The following BRWD1 variants were observed in gnomAD, a reference collection of about 807,000 sequenced individuals.
BRWD1 encodes the protein bromodomain and WD repeat-containing protein 1.
In BRWD1, 82 loss-of-function variants were observed where a neutral mutation model predicts 251.2. That is an observed-to-expected ratio of 0.33 (90% CI 0.27 to 0.39). The LOEUF (loss-of-function observed/expected upper bound fraction) is 0.39. Ranked by LOEUF, BRWD1 falls within the 10% of genes least tolerant of loss-of-function variation. The probability of loss-of-function intolerance (pLI) is 1.00; values close to 1 mark genes in which losing one functional copy is unlikely to be tolerated. For missense variants in BRWD1, 2,233 were observed against 2,711.6 expected, an observed-to-expected ratio of 0.82 and a Z score of 3.92; for synonymous variants, 918 against 902.8, an observed-to-expected ratio of 1.02 and a Z score of -0.30.
intron 29 of BRWD1, among the ~76,000 whole-genome samples, chr21:39,223,982 G>C (rs1238649609): frequency 6.6e-6 from 1 of 152,168 alleles, no homozygotes; most frequent in East Asian, 1.9e-4. Flanking sequence ...CCAAGTAGCT[G>C]GGATTACAGG....
At chr21:39,296,780 T>C (rs1392854472) in intron 5 of BRWD1, 3 of 953,376 alleles carry the variant, frequency 3.1e-6, no homozygotes, top group African/African-American at 1.8e-5. Flanking sequence ...CCAAGTCCCA[T>C]TTAATGCCAA....
At position 39,192,808 on chromosome 21, in the gene BRWD1, A is replaced by G; in HGVS notation, c.*3451T>C. 2 of 985,222 alleles carry G rather than the reference A, an allele frequency of 2.0e-6. No homozygotes were observed. The highest frequency in any genetic ancestry group is 2.4e-6 in the Non-Finnish European group (2 of 829,782). 61.0% of individuals were successfully genotyped at this position (985,222 alleles called of 1,614,324 possible). On this transcript the variant is annotated 3_prime_UTR_variant, in exon 41 of 41. Transcript: ENST00000342449. ...CAATGTTCTTGCATTCTACTGATAT[A>G]CAAACCTCTGGGGTTTCAGTTGGCA...
In BRWD1 at chr21:39,258,742, A is replaced by G. The variant is rs547598239; in HGVS notation, c.1886-70T>C. 7.5e-6 allele frequency: 8 copies of G among 1,069,732 alleles called. No individual in the cohort carries two copies. In the East Asian group the frequency reaches 2.2e-4, roughly 30 times the overall value. 66.3% of individuals were successfully genotyped at this position (1,069,732 alleles called of 1,614,324 possible). On this transcript the variant is annotated intron_variant, in intron 17 of 40. Transcript: ENST00000342449. ...ACAAAAAAAAATTTCGTTAGGGTAC[A>G]AATTAAAATACATTAACAATGGTCA...
chr21:39,317,699 C>G (rs7282228), upstream of BRWD1, among the ~76,000 whole-genome samples: 6 of 152,204 alleles, frequency 3.9e-5, no homozygotes, highest in Non-Finnish European at 8.8e-5. Flanking sequence ...GTGATAAGTA[C>G]GTGTGTAATC....
At chr21:39,256,580 G>A (rs1029175667) in intron 18 of BRWD1, among the ~76,000 whole-genome samples, 4 of 152,110 alleles carry the variant, frequency 2.6e-5, no homozygotes, top group African/African-American at 7.2e-5. Flanking sequence ...AGGAGGCTGC[G>A]CAACCTCCCA....
At chr21:39,303,168 T>C (rs2146779495) in intron 4 of BRWD1, among the ~76,000 whole-genome samples, 1 of 152,282 alleles carries the variant, frequency 6.6e-6, no homozygotes, top group South Asian at 2.1e-4. Context: ...ATTGGTAATG[T>C]ATATTGAAAC....
Position 39,188,021 on chromosome 21 carries a change from T to G in BRWD1, c.*8238A>C, listed in dbSNP as rs185154497. On this transcript the variant is annotated 3_prime_UTR_variant, in exon 41 of 41. Transcript: ENST00000342449. ...GACTAAGGCAGTTTTTAGAGGGGGC[T>G]TGAAATCACACTGGAGCTCTACACA... 3,810 of 977,964 alleles carry G rather than the reference T, an allele frequency of 3.9e-3. 7 individuals are homozygous for G. Among genetic ancestry groups the G allele is most frequent in the Admixed American group, 0.01 (163 of 15,772 alleles). The allele number at this position is 977,964 out of a possible 1,614,324, so 60.6% of individuals were successfully genotyped here.
intron 15 of BRWD1, 85 bp downstream of exon 15, chr21:39,269,814 A>C: frequency 8.4e-7 from 1 of 1,191,428 alleles, no homozygotes; most frequent in Non-Finnish European, 1.1e-6. Flanking sequence ...CAAAACAAGC[A>C]GATCAATTTC....
At chr21:39,202,567 G>A (rs2146470378) in intron 37 of BRWD1, 22 bp from the exon 38 acceptor site, 2 of 1,543,784 alleles carry the variant, frequency 1.3e-6, no homozygotes, top group Admixed American at 1.7e-5. Context: ...TATGAACAAA[G>A]GAAACAGTAT....
intron 17 of BRWD1, among the ~76,000 whole-genome samples, chr21:39,261,284 T>A (rs1307391517): frequency 3.3e-5 from 5 of 152,160 alleles, no homozygotes; most frequent in African/African-American, 9.7e-5. Context: ...ACTCCACTAC[T>A]GAGGGGAAAA....
At chr21:39,296,999 T>C (rs1464721321) in intron 5 of BRWD1, 6 of 985,358 alleles carry the variant, frequency 6.1e-6, no homozygotes, top group Non-Finnish European at 7.2e-6. Flanking sequence ...ATAAATTATA[T>C]AGCTTTCCCT....
At chr21:39,312,356 AC>A (rs1195637624) in intron 4 of BRWD1, among the ~76,000 whole-genome samples, 1 of 152,246 alleles carries the variant, frequency 6.6e-6, no homozygotes, top group East Asian at 1.9e-4. Context: ...TGCTGACAAA[AC>A]AAAAAATAAA....
intron 21 of BRWD1, 54 bp downstream of exon 21, chr21:39,247,647 T>C: frequency 6.5e-7 from 1 of 1,532,412 alleles, no homozygotes; most frequent in South Asian, 1.3e-5. Flanking sequence ...AAGTAAAGAA[T>C]TAAGCCAAAT....
chr21:39,212,620 A>G, intron 34 of BRWD1, 46 bp downstream of exon 34: 1 of 1,432,720 alleles, frequency 7.0e-7, no homozygotes, highest in Non-Finnish European at 9.7e-7. Context: ...TGATTTTAAA[A>G]CAAAGAAAAA....
intron 32 of BRWD1, 88 bp from the exon 33 acceptor site, chr21:39,213,641 C>T (rs540301219): frequency 1.2e-5 from 10 of 850,222 alleles, no homozygotes; most frequent in Non-Finnish European, 1.8e-5. Context: ...ATAAACAGTT[C>T]ACCAACCTAT....
chr21:39,284,984 G>A (rs560078429), intron 8 of BRWD1, among the ~76,000 whole-genome samples: 30 of 152,258 alleles, frequency 2.0e-4, no homozygotes, highest in African/African-American at 6.5e-4. Flanking sequence ...TATATCCAAA[G>A]GGAAATGAAA....
chr21:39,297,686 T>G, intron 5 of BRWD1: 1 of 272,532 alleles, frequency 3.7e-6, no homozygotes, highest in South Asian at 1.4e-4. Context: ...GTGTTCTTTC[T>G]CAGTTAAGCT....
At chr21:39,279,596 G>A (rs1254545175) in intron 9 of BRWD1, among the ~76,000 whole-genome samples, 5 of 128,488 alleles carry the variant, frequency 3.9e-5, no homozygotes, top group Non-Finnish European at 6.1e-5. Flanking sequence ...CCGAGATCAC[G>A]CCATCACACT....
upstream of BRWD1, chr21:39,314,438 GGGGAGA>G: frequency 2.4e-6 from 1 of 423,180 alleles, no homozygotes; most frequent in South Asian, 1.7e-5. Context: ...ACGGGACTGT[GGGGAGA>G]GGGTGGTGCA....
Sources: gnomAD v4.1 joint callset for allele counts (sites outside exome capture counted in the v4.1 genomes callset) on GRCh38, gnomAD v4.1.1 for gene constraint, MANE v1.5 for transcripts, NCBI Gene and HGNC (gene_info 2026-07-23, HGNC 2026-07-21) for gene names.